NRXN1: variants seen among roughly 807,000 people sequenced by gnomAD.
The protein encoded by NRXN1 is neurexin 1, also known as neurexin-1.
A neutral mutation model predicts 150.9 loss-of-function variants in NRXN1; 39 were observed. The observed-to-expected ratio is 0.26, with a 90% confidence interval of 0.20 to 0.34. The LOEUF (loss-of-function observed/expected upper bound fraction) is 0.34. NRXN1 is among the 10% of genes least tolerant of loss of function. NRXN1 has a pLI of 1.00. For missense variants in NRXN1, 1,815 were observed against 1,949.9 expected (o/e 0.93, Z 1.30); for synonymous variants, 924 against 757.0 (o/e 1.22, Z -3.62).
intron 8 of NRXN1, chr2:50,616,044 C>A (rs541347098): frequency 6.6e-6 from 1 of 152,106 alleles, no homozygotes; most frequent in Admixed American, 6.5e-5. Context: ...TAGGTATGGG[C>A]TGCATATAAT....
At chr2:50,141,307 C>G (rs1707240459) in intron 18 of NRXN1, among the ~76,000 whole-genome samples, 1 of 151,866 alleles carries the variant, frequency 6.6e-6, no homozygotes, top group South Asian at 2.1e-4. Context: ...CAAAATTCAA[C>G]TCTAAAAACA....
At chr2:50,556,618 G>A (rs577858137) in intron 8 of NRXN1, among the ~76,000 whole-genome samples, 1 of 151,320 alleles carries the variant, frequency 6.6e-6, no homozygotes, top group South Asian at 2.1e-4. Context: ...TCCCTCTCAT[G>A]TTAATATGCA....
chr2:50,410,796 T>G (rs556744466), intron 17 of NRXN1, among the ~76,000 whole-genome samples: 10 of 152,304 alleles, frequency 6.6e-5, no homozygotes, highest in Middle Eastern at 6.8e-3. Flanking sequence ...GAGATGTGCC[T>G]CACCCACTTT....
chr2:50,749,411 C>G (rs1700346340), intron 5 of NRXN1, among the ~76,000 whole-genome samples: 1 of 151,980 alleles, frequency 6.6e-6, no homozygotes, highest in South Asian at 2.1e-4. Flanking sequence ...AGAACTTGCT[C>G]CCTGTTGGCA....
intron 8 of NRXN1, among the ~76,000 whole-genome samples, chr2:50,574,818 C>T (rs1671154217): frequency 1.3e-5 from 2 of 152,182 alleles, no homozygotes; most frequent in African/African-American, 2.4e-5. Flanking sequence ...ACAAATTGTG[C>T]GGCACCCTTG....
At chr2:50,704,447 A>G (rs1279899140) in intron 5 of NRXN1, among the ~76,000 whole-genome samples, 1 of 152,026 alleles carries the variant, frequency 6.6e-6, no homozygotes, top group African/African-American at 2.4e-5. Flanking sequence ...ATGCTGCAGG[A>G]TATTTGCAAA....
chr2:50,255,230 A>C lies in NRXN1; in HGVS notation c.3365-18260T>G, dbSNP rs574018915. Among the ~76,000 whole-genome samples, 6 of 152,328 alleles carry C rather than the reference A, an allele frequency of 3.9e-5. No individual in the cohort carries two copies. In the South Asian group the frequency reaches 1.2e-3, roughly 32 times the overall value. The stretch of plus-strand genomic sequence containing the variant: ...GTAAGATTTATAACTCAACGATATA[A>C]GATTTTTTAACCCATGAAGTTCTTT... On this transcript the variant is annotated intron_variant, in intron 17 of 22. Coordinates refer to ENST00000401669, the MANE Select transcript of NRXN1 (RefSeq NM_001330078.2).
Position 49,937,813 on chromosome 2 carries a change from AAC to A in NRXN1, c.4216+5889_4216+5890del, listed in dbSNP as rs1314649090. The stretch of plus-strand genomic sequence containing the variant: ...ACTTTTGAATAATTACATAATAAAT[AAC>A]ACACATTTAAATGTAGAACAAAATT... On this transcript the variant is annotated intron_variant, in intron 22 of 22. Coordinates refer to ENST00000401669, the MANE Select transcript of NRXN1 (RefSeq NM_001330078.2). Among the ~76,000 whole-genome samples the A allele has an allele frequency of 2.0e-5, 3 of 151,552 alleles. No individual in the cohort carries two copies. In the Admixed American group the frequency reaches 2.0e-4, roughly 10 times the overall value.
chr2:50,776,997 T>A (rs962003280), intron 5 of NRXN1, among the ~76,000 whole-genome samples: 1 of 152,168 alleles, frequency 6.6e-6, no homozygotes, highest in Admixed American at 6.5e-5. Context: ...TTGTCTTGTA[T>A]CTGCCTGAGA....
At chr2:50,169,907 C>T (rs114498576) in intron 18 of NRXN1, among the ~76,000 whole-genome samples, 5,006 of 151,882 alleles carry the variant, frequency 0.033, 105 homozygotes, top group African/African-American at 0.055. Flanking sequence ...AAGGAGATGG[C>T]ACTGGAGAGG....
intron 17 of NRXN1, among the ~76,000 whole-genome samples, chr2:50,281,629 A>C (rs749486861): frequency 2.6e-5 from 4 of 152,140 alleles, no homozygotes; most frequent in Admixed American, 1.3e-4. Flanking sequence ...CTAAGGAAGG[A>C]AGTGAGGAGG....
At chr2:50,327,545 C>G (rs1277779472) in intron 17 of NRXN1, among the ~76,000 whole-genome samples, 11 of 152,082 alleles carry the variant, frequency 7.2e-5, no homozygotes, top group Admixed American at 7.2e-4. Flanking sequence ...AATTATATTT[C>G]ATTGTTAAAT....
intron 17 of NRXN1, among the ~76,000 whole-genome samples, chr2:50,315,077 G>A (rs1270535098): frequency 6.6e-6 from 1 of 151,888 alleles, no homozygotes; most frequent in Non-Finnish European, 1.5e-5. Flanking sequence ...ATTCTTCTAG[G>A]TAATGCTTGG....
intron 5 of NRXN1, among the ~76,000 whole-genome samples, chr2:50,846,884 G>A (rs1193502175): frequency 1.3e-5 from 2 of 152,076 alleles, no homozygotes; most frequent in Admixed American, 1.3e-4. Context: ...GTTTCATAAC[G>A]AAATAATGAC....
chr2:50,334,583 A>G (rs28434008), intron 17 of NRXN1, among the ~76,000 whole-genome samples: 20,873 of 151,992 alleles, frequency 0.14, 1,775 homozygotes, highest in East Asian at 0.39. Flanking sequence ...TGGAGGTCCT[A>G]TTTCCCAAAT....
intron 17 of NRXN1, among the ~76,000 whole-genome samples, chr2:50,290,195 T>C (rs1288798834): frequency 6.6e-6 from 1 of 152,154 alleles, no homozygotes; most frequent in Non-Finnish European, 1.5e-5. Flanking sequence ...CGCAAAATAA[T>C]TAACGACAAA....
At chr2:50,986,264 AC>A (rs1190923064) in intron 2 of NRXN1, among the ~76,000 whole-genome samples, 3 of 151,596 alleles carry the variant, frequency 2.0e-5, no homozygotes, top group Admixed American at 6.6e-5. Flanking sequence ...ATTAGGAGAG[AC>A]TCTTGTAACG....
Position 50,990,141 on chromosome 2 carries a change from T to C in NRXN1, c.772+37361A>G, listed in dbSNP as rs190071597. Among the ~76,000 whole-genome samples, 65 of 152,146 alleles carry C rather than the reference T, an allele frequency of 4.3e-4. 1 individual carries two copies. Among genetic ancestry groups the C allele is most frequent in the African/African-American group, 1.5e-3 (63 of 41,548 alleles). On this transcript the variant is annotated intron_variant, in intron 2 of 22. Transcript: ENST00000401669. ...ACTGTCTGCTAAAATATTTTGATCT[T>C]TTTTACATTGTGTTCATTAACTTAT...
intron 18 of NRXN1, among the ~76,000 whole-genome samples, chr2:50,148,735 A>G (rs951351840): frequency 6.6e-6 from 1 of 151,692 alleles, no homozygotes; most frequent in African/African-American, 2.4e-5. Context: ...AAACACACAA[A>G]GTTTAATCAG....
Sources: allele counts gnomAD v4.1 joint callset (sites outside exome capture counted in the v4.1 genomes callset), GRCh38; gene constraint gnomAD v4.1.1; transcripts MANE v1.5; gene names NCBI Gene and HGNC (gene_info 2026-07-23, HGNC 2026-07-21).